Variants in CCSER1 observed in about 807,000 individuals in gnomAD.
CCSER1 encodes serine-rich coiled-coil domain-containing protein 1.
Under a neutral mutation model 82.0 loss-of-function variants are expected in CCSER1, and 41 were observed. The ratio of observed to expected loss-of-function variants is 0.50; its 90% CI spans 0.39 to 0.65. The LOEUF (loss-of-function observed/expected upper bound fraction) is 0.65, where lower values mean the gene tolerates loss of function less well. Among genes scored for constraint, CCSER1 ranks in the 30% least tolerant of loss-of-function variants. The pLI is 0.00. For missense variants in CCSER1, 1,119 were observed against 1,064.2 expected, an observed-to-expected ratio of 1.05 and a Z score of -0.72; for synonymous variants, 414 against 383.9, an observed-to-expected ratio of 1.08 and a Z score of -0.92.
intron 10 of CCSER1, among the ~76,000 whole-genome samples, chr4:91,404,520 T>C (rs1313071379): frequency 6.6e-6 from 1 of 152,198 alleles, no homozygotes; most frequent in Non-Finnish European, 1.5e-5. Flanking sequence ...CCTGCTTCTC[T>C]TGTGGGCATT....
intron 10 of CCSER1, among the ~76,000 whole-genome samples, chr4:91,434,856 G>T (rs1212969095): frequency 6.6e-6 from 1 of 152,186 alleles, no homozygotes; most frequent in Non-Finnish European, 1.5e-5. Context: ...CCTGGTGAAA[G>T]ACATAGTCCA....
intron 10 of CCSER1, among the ~76,000 whole-genome samples, chr4:91,491,299 G>T (rs1758529328): frequency 6.6e-6 from 1 of 151,672 alleles, no homozygotes; most frequent in African/African-American, 2.4e-5. Flanking sequence ...TTAAATTTGG[G>T]GTCAGAGGCA....
At chr4:90,577,657 A>C (rs941847745) in intron 5 of CCSER1, among the ~76,000 whole-genome samples, 1 of 152,094 alleles carries the variant, frequency 6.6e-6, no homozygotes, top group Non-Finnish European at 1.5e-5. Context: ...AACTTTTTAC[A>C]TGCTGGCCTG....
intron 7 of CCSER1, among the ~76,000 whole-genome samples, chr4:90,745,678 CTTTTTTTTTTTTTTTTTTT>C (rs537380046): frequency 2.8e-5 from 2 of 72,236 alleles, no homozygotes; most frequent in African/African-American, 1.2e-4. Flanking sequence ...TTTCTTTTAT[CTTTTTTTTTTTTTTTTTTT>C]TTTTTTTTTT....
At chr4:91,437,785 C>T (rs896947334) in intron 10 of CCSER1, among the ~76,000 whole-genome samples, 37 of 152,320 alleles carry the variant, frequency 2.4e-4, no homozygotes, top group East Asian at 1.2e-3. Flanking sequence ...CCTAATACTC[C>T]GCTTTTACAA....
At chr4:91,270,092 G>A (rs192407415) in intron 10 of CCSER1, among the ~76,000 whole-genome samples, 4 of 152,284 alleles carry the variant, frequency 2.6e-5, no homozygotes, top group East Asian at 1.9e-4. Context: ...AGCTAAGGGT[G>A]CTTTTTGTAA....
At chr4:91,473,161 G>A (rs1050024025) in intron 10 of CCSER1, among the ~76,000 whole-genome samples, 2 of 152,120 alleles carry the variant, frequency 1.3e-5, no homozygotes, top group African/African-American at 4.8e-5. Flanking sequence ...TCCTTGAGAT[G>A]AGCAAACTTG....
chr4:90,370,069 T>C (rs2153523948), intron 3 of CCSER1: 1 of 152,276 alleles, frequency 6.6e-6, no homozygotes, highest in African/African-American at 2.4e-5. Flanking sequence ...TGTTTTTGTT[T>C]ACTTTTCCAA....
chr4:91,092,825 G>A (rs1159557104), intron 10 of CCSER1, among the ~76,000 whole-genome samples: 1 of 152,112 alleles, frequency 6.6e-6, no homozygotes, highest in Non-Finnish European at 1.5e-5. Flanking sequence ...CTGATGCCCG[G>A]TAAGGAGTAG....
intron 10 of CCSER1, among the ~76,000 whole-genome samples, chr4:91,376,344 A>C (rs543827886): frequency 6.6e-6 from 1 of 152,316 alleles, no homozygotes; most frequent in African/African-American, 2.4e-5. Flanking sequence ...CTCTTAGGCT[A>C]TGAACCTTTG....
chr4:90,815,318 C>T (rs62309558), intron 7 of CCSER1, among the ~76,000 whole-genome samples: 50,759 of 151,920 alleles, frequency 0.33, 8,634 homozygotes, highest in East Asian at 0.42. Flanking sequence ...GATTACAATT[C>T]GTGATGAGAT....
At chr4:91,153,706 G>A (rs758438577) in intron 10 of CCSER1, among the ~76,000 whole-genome samples, 2 of 151,938 alleles carry the variant, frequency 1.3e-5, no homozygotes, top group Non-Finnish European at 2.9e-5. Context: ...TGTCCTTTCT[G>A]TTTGTTGATT....
At chr4:90,155,522 G>T (rs990472869) in intron 1 of CCSER1, among the ~76,000 whole-genome samples, 42 of 152,256 alleles carry the variant, frequency 2.8e-4, no homozygotes, top group African/African-American at 9.1e-4. Context: ...ACTCTTTTTG[G>T]TTGGTAAGGT....
intron 8 of CCSER1, among the ~76,000 whole-genome samples, chr4:90,850,894 T>C (rs1260894207): frequency 1.3e-5 from 2 of 152,160 alleles, no homozygotes; most frequent in Non-Finnish European, 2.9e-5. Flanking sequence ...GGTTTGGCTT[T>C]GTATCCCCAC....
At chr4:90,229,712 T>C (rs1254569287) in intron 1 of CCSER1, among the ~76,000 whole-genome samples, 2 of 152,152 alleles carry the variant, frequency 1.3e-5, no homozygotes, top group East Asian at 3.8e-4. Flanking sequence ...CAGTGTGCTG[T>C]ATTCAGGAAA....
intron 1 of CCSER1, among the ~76,000 whole-genome samples, chr4:90,136,391 G>C (rs1359230662): frequency 1.3e-5 from 2 of 152,146 alleles, no homozygotes; most frequent in Non-Finnish European, 2.9e-5. Context: ...GCTTAGCTAA[G>C]TGTACTACTC....
chr4:90,887,036 C>G (rs1441684143), intron 8 of CCSER1, among the ~76,000 whole-genome samples: 1 of 152,136 alleles, frequency 6.6e-6, no homozygotes, highest in Non-Finnish European at 1.5e-5. Flanking sequence ...TATACACACA[C>G]AGATATAAAC....
chr4:91,092,535 A>G (rs1246017283), intron 10 of CCSER1, among the ~76,000 whole-genome samples: 3 of 152,216 alleles, frequency 2.0e-5, no homozygotes, highest in Admixed American at 6.5e-5. Context: ...TCGACAGGTA[A>G]CACATTGCTG....
chr4:90,341,531 T>C (rs1741381731), intron 3 of CCSER1, among the ~76,000 whole-genome samples: 1 of 152,078 alleles, frequency 6.6e-6, no homozygotes, highest in Non-Finnish European at 1.5e-5. Context: ...ACTCCAAATA[T>C]TATACTTTTT....
Sources: allele counts gnomAD v4.1 joint callset (sites outside exome capture counted in the v4.1 genomes callset), GRCh38; gene constraint gnomAD v4.1.1; transcripts MANE v1.5; gene names NCBI Gene and HGNC (gene_info 2026-07-23, HGNC 2026-07-21).